Variants in BCAT1 observed in about 807,000 individuals in gnomAD.
The protein encoded by BCAT1 is branched-chain-amino-acid aminotransferase, cytosolic.
Under a neutral mutation model 52.4 loss-of-function variants are expected in BCAT1, and 48 were observed. The ratio of observed to expected loss-of-function variants is 0.92; its 90% CI spans 0.73 to 1.16. The LOEUF (loss-of-function observed/expected upper bound fraction) is 1.16. Ranked by LOEUF, BCAT1 falls within the 50% of genes most tolerant of loss-of-function variation. The probability of loss-of-function intolerance (pLI) is 0.00; values close to 1 mark genes in which losing one functional copy is unlikely to be tolerated. For missense variants in BCAT1, 451 were observed against 457.1 expected (o/e 0.99, Z 0.12); for synonymous variants, 167 against 161.3 (o/e 1.04, Z -0.27).
chr12:24,829,274 C>T (rs970453033), intron 10 of BCAT1, among the ~76,000 whole-genome samples: 3 of 152,018 alleles, frequency 2.0e-5, no homozygotes, highest in Admixed American at 6.6e-5. Context: ...ATCCCAGCTA[C>T]TCGGGAGGCT....
intron 10 of BCAT1, among the ~76,000 whole-genome samples, chr12:24,826,934 G>T (rs1327605559): frequency 6.6e-6 from 1 of 151,968 alleles, no homozygotes; most frequent in Non-Finnish European, 1.5e-5. Flanking sequence ...TTCTTTTTCA[G>T]ATTGTTCACT....
At position 24,915,117 on chromosome 12, in the gene BCAT1, TC is replaced by T. The variant is rs751943810; in HGVS notation, c.7-13233del. Among the ~76,000 whole-genome samples the T allele has an allele frequency of 2.0e-5, 3 of 152,074 alleles. No homozygotes were observed. The East Asian group carries it at 5.8e-4, about 29-fold the overall frequency. On this transcript the variant is annotated intron_variant, in intron 1 of 10. Transcript: ENST00000261192. ...AAGAATGGTGATTTATCATGAAGGC[TC>T]TTTTTTTTTTGCTTTGATATTTTTT...
chr12:24,913,372 C>A (rs1336004315), intron 1 of BCAT1, among the ~76,000 whole-genome samples: 1 of 152,144 alleles, frequency 6.6e-6, no homozygotes, highest in African/African-American at 2.4e-5. Flanking sequence ...TGCTTGGGGA[C>A]ATTTATGTGA....
intron 3 of BCAT1, among the ~76,000 whole-genome samples, chr12:24,883,455 GC>G (rs1274587664): frequency 6.6e-6 from 1 of 152,086 alleles, no homozygotes; most frequent in Non-Finnish European, 1.5e-5. Context: ...TAAAAATAGG[GC>G]TGAGTGAGAT....
At chr12:24,888,687 A>AGAAGG (rs1000076945) in intron 3 of BCAT1, among the ~76,000 whole-genome samples, 9 of 152,200 alleles carry the variant, frequency 5.9e-5, no homozygotes, top group African/African-American at 1.9e-4. Context: ...AGTTCTCTCC[A>AGAAGG]GAAGGCAATC....
Position 24,811,105 on chromosome 12 carries a change from A to C in BCAT1, c.*6903T>G, listed in dbSNP as rs1379553218. On this transcript the variant is annotated 3_prime_UTR_variant, in exon 11 of 11. Transcript: ENST00000261192. Reference sequence around the variant, plus strand: ...TAAGTTTTACTACAGATAAATCCATAACCAGGGGAAGGAAGAATTTTTAAA... The same window carrying C: ...TAAGTTTTACTACAGATAAATCCATCACCAGGGGAAGGAAGAATTTTTAAA... The C allele has an allele frequency of 6.6e-6, 1 of 152,214 alleles. No individual in the cohort carries two copies. The highest frequency in any genetic ancestry group is 2.4e-5 in the African/African-American group (1 of 41,464). The allele number at this position is 152,214 out of a possible 1,614,324, so 9.4% of individuals were successfully genotyped here. A position where few individuals can be genotyped will look rare whatever the true frequency, so the allele number is the denominator to read the frequency against.
intron 5 of BCAT1, among the ~76,000 whole-genome samples, chr12:24,856,723 T>G (rs927893783): frequency 2.0e-5 from 3 of 152,192 alleles, no homozygotes; most frequent in African/African-American, 4.8e-5. Context: ...CTGCCTAGTC[T>G]GTAATATTCT....
chr12:24,917,703 G>T (rs1404000076), intron 1 of BCAT1, among the ~76,000 whole-genome samples: 1 of 152,060 alleles, frequency 6.6e-6, no homozygotes, highest in African/African-American at 2.4e-5. Context: ...TTTATTTTTG[G>T]AGTAATGTGG....
intron 8 of BCAT1, 81 bp downstream of exon 8, chr12:24,836,423 CAGGATAT>C: frequency 8.8e-7 from 1 of 1,134,616 alleles, no homozygotes; most frequent in Non-Finnish European, 1.3e-6. Context: ...GTTGGAACCA[CAGGATAT>C]TATTTCAACA....
intron 2 of BCAT1, among the ~76,000 whole-genome samples, chr12:24,895,353 C>T (rs867761809): frequency 1.3e-5 from 2 of 151,940 alleles, no homozygotes; most frequent in Admixed American, 1.3e-4. Context: ...GGTGAAACCC[C>T]GTCTCTACTA....
chr12:24,886,959 A>T (rs1942679250), intron 3 of BCAT1, among the ~76,000 whole-genome samples: 1 of 148,198 alleles, frequency 6.7e-6, no homozygotes, highest in African/African-American at 2.5e-5. Context: ...GCTACTTGGG[A>T]GGCTGAGGCA....
At chr12:24,880,347 C>T (rs1170863176) in intron 4 of BCAT1, among the ~76,000 whole-genome samples, 1 of 152,160 alleles carries the variant, frequency 6.6e-6, no homozygotes, top group Non-Finnish European at 1.5e-5. Flanking sequence ...ATCCCAGATA[C>T]TAAGGAGGCT....
intron 3 of BCAT1, among the ~76,000 whole-genome samples, chr12:24,884,491 T>G (rs955326434): frequency 3.3e-5 from 5 of 152,252 alleles, no homozygotes; most frequent in African/African-American, 1.2e-4. Context: ...AAATTTCAAA[T>G]GTTCTCACCA....
At chr12:24,944,359 G>A (rs1943902766) in intron 1 of BCAT1, among the ~76,000 whole-genome samples, 2 of 152,186 alleles carry the variant, frequency 1.3e-5, no homozygotes, top group South Asian at 4.1e-4. Context: ...TTTATGTAGT[G>A]GTGGAATGCT....
intron 1 of BCAT1, among the ~76,000 whole-genome samples, chr12:24,926,235 G>C (rs1404663210): frequency 1.3e-5 from 2 of 151,970 alleles, no homozygotes; most frequent in East Asian, 3.9e-4. Context: ...GCCTCTGCCC[G>C]GCCGCCCCGT....
chr12:24,854,466 T>C (rs898779981), intron 5 of BCAT1, among the ~76,000 whole-genome samples: 3 of 152,114 alleles, frequency 2.0e-5, no homozygotes, highest in African/African-American at 7.2e-5. Context: ...AAGTTTAAAT[T>C]GTTAAAGGGG....
intron 1 of BCAT1, among the ~76,000 whole-genome samples, chr12:24,947,824 CA>C (rs1308521174): frequency 6.6e-6 from 1 of 152,206 alleles, no homozygotes; most frequent in Non-Finnish European, 1.5e-5. Context: ...GTGTGTTTTT[CA>C]TCTGAAATGA....
chr12:24,919,797 A>C (rs920971672), intron 1 of BCAT1, among the ~76,000 whole-genome samples: 9 of 152,258 alleles, frequency 5.9e-5, no homozygotes, highest in African/African-American at 2.2e-4. Context: ...CCAATGGAAG[A>C]TAACTGAATC....
intron 1 of BCAT1, among the ~76,000 whole-genome samples, chr12:24,929,817 C>T (rs1338973050): frequency 6.6e-6 from 1 of 152,178 alleles, no homozygotes. Flanking sequence ...AATCATCTGG[C>T]CTTTCTTTGA....
Sources: gnomAD v4.1 joint callset for allele counts (sites outside exome capture counted in the v4.1 genomes callset) on GRCh38, gnomAD v4.1.1 for gene constraint, MANE v1.5 for transcripts, NCBI Gene and HGNC (gene_info 2026-07-23, HGNC 2026-07-21) for gene names.